The following NECTIN1 variants were observed in gnomAD, a reference collection of about 807,000 sequenced individuals.
NECTIN1 encodes the protein nectin-1.
A neutral mutation model predicts 48.0 loss-of-function variants in NECTIN1; 23 were observed. The ratio of observed to expected loss-of-function variants is 0.48; its 90% CI spans 0.34 to 0.68. The LOEUF is 0.68. Ranked by LOEUF, NECTIN1 falls within the 30% of genes least tolerant of loss-of-function variation. The pLI, the probability that NECTIN1 is intolerant of heterozygous loss-of-function variation, is 0.01. For missense variants in NECTIN1, 591 were observed against 709.9 expected, an observed-to-expected ratio of 0.83 and a Z score of 1.90; for synonymous variants, 270 against 288.9, an observed-to-expected ratio of 0.93 and a Z score of 0.66.
intron 1 of NECTIN1, among the ~76,000 whole-genome samples, chr11:119,685,583 G>A (rs1351452079): frequency 6.6e-6 from 1 of 152,230 alleles, no homozygotes; most frequent in Non-Finnish European, 1.5e-5. Context: ...CCAGGTGGCT[G>A]AGGACACCTG....
downstream of NECTIN1, among the ~76,000 whole-genome samples, chr11:119,657,457 T>C (rs1864592984): frequency 6.6e-6 from 1 of 151,716 alleles, no homozygotes; most frequent in Non-Finnish European, 1.5e-5. Flanking sequence ...TTACTAAAAA[T>C]ACAAAAAATT....
intron 1 of NECTIN1, among the ~76,000 whole-genome samples, chr11:119,686,857 T>A (rs1395736731): frequency 6.6e-6 from 1 of 152,076 alleles, no homozygotes; most frequent in Non-Finnish European, 1.5e-5. Context: ...TGTCCTAGCG[T>A]TTCTCATACG....
Position 119,663,612 on chromosome 11 carries a change from C to T in NECTIN1, c.*1135G>A, listed in dbSNP as rs187773817. ...TCTGCCATGTGGGCTTCCTTCCCCACTACCCTCCGTGTGGATGCTTCTTTA... is the reference window on the plus strand; with the variant it reads ...TCTGCCATGTGGGCTTCCTTCCCCATTACCCTCCGTGTGGATGCTTCTTTA... On this transcript the variant is annotated 3_prime_UTR_variant, in exon 6 of 6. Coordinates refer to ENST00000264025, the MANE Select transcript of NECTIN1 (RefSeq NM_002855.5). 3.9e-5 allele frequency: 38 copies of T among 985,702 alleles called. No homozygotes were observed. The Admixed American group carries it at 2.0e-3, about 53-fold the overall frequency. The allele number at this position is 985,702 out of a possible 1,614,324, so 61.1% of individuals were successfully genotyped here.
intron 1 of NECTIN1, among the ~76,000 whole-genome samples, chr11:119,689,366 C>T (rs1403711184): frequency 6.6e-6 from 1 of 152,164 alleles, no homozygotes; most frequent in Non-Finnish European, 1.5e-5. Flanking sequence ...GCATTCAGAC[C>T]CTACAGCATC....
intron 5 of NECTIN1, among the ~76,000 whole-genome samples, chr11:119,650,643 G>A (rs1326903099): frequency 6.6e-6 from 1 of 152,206 alleles, no homozygotes; most frequent in Non-Finnish European, 1.5e-5. Context: ...GGGTAGGGTT[G>A]CAGAGTGGTT....
intron 1 of NECTIN1, among the ~76,000 whole-genome samples, chr11:119,686,296 G>A (rs145401419): frequency 1.9e-3 from 284 of 152,116 alleles, no homozygotes; most frequent in Admixed American, 4.3e-3. Flanking sequence ...CAATATTCCC[G>A]GGCTGGGACT....
intron 5 of NECTIN1, among the ~76,000 whole-genome samples, chr11:119,643,660 G>A (rs969104499): frequency 2.0e-5 from 3 of 152,238 alleles, no homozygotes; most frequent in Admixed American, 6.5e-5. Flanking sequence ...AAGGGGCCTG[G>A]TGCTGGCCCC....
At position 119,661,393 on chromosome 11, in the gene NECTIN1, C is replaced by G. The variant is rs1290433876; in HGVS notation, c.*3354G>C. On this transcript the variant is annotated 3_prime_UTR_variant, in exon 6 of 6. Coordinates refer to ENST00000264025, the MANE Select transcript of NECTIN1 (RefSeq NM_002855.5). ...AGCAGAGGGGCCTGCCTCCTGGCAT[C>G]CCCGGTACTGGGCAGTGTGTGAAGC... 6 of 986,220 alleles carry G rather than the reference C, an allele frequency of 6.1e-6. No homozygotes were observed. In the South Asian group the frequency reaches 2.8e-4, roughly 46 times the overall value. The allele number at this position is 986,220 out of a possible 1,614,324, so 61.1% of individuals were successfully genotyped here.
At chr11:119,691,241 C>T (rs548604032) in intron 1 of NECTIN1, among the ~76,000 whole-genome samples, 37 of 152,322 alleles carry the variant, frequency 2.4e-4, no homozygotes, top group South Asian at 8.3e-4. Context: ...AACCACAGAA[C>T]GAAGCAAACT....
chr11:119,678,266 C>A lies in NECTIN1; in HGVS notation c.430+149G>T. The A allele has an allele frequency of 1.3e-6, 1 of 785,958 alleles. No homozygotes were observed. Among genetic ancestry groups the A allele is most frequent in the South Asian group, 1.5e-5 (1 of 68,964 alleles). The allele number at this position is 785,958 out of a possible 1,614,324, so 48.7% of individuals were successfully genotyped here. On this transcript the variant is annotated intron_variant, in intron 2 of 5. Transcript: ENST00000264025. The surrounding 1 kb of genome is among the most constrained non-coding windows in gnomAD (Gnocchi z 4.4). ...CCTAGTGAATTGTGGGGTGGCCTGG[C>A]TAGAAGGGACTGGAAGCCTCATGCC... is the stretch of plus-strand genomic sequence containing the variant.
rs116436948 is a variant in NECTIN1, at chr11:119,647,651, G to A, written c.1004-7639C>T. Among the ~76,000 whole-genome samples the A allele has an allele frequency of 5.2e-3, 792 of 152,180 alleles. 6 individuals are homozygous for A. The highest frequency in any genetic ancestry group is 0.018 in the African/African-American group (740 of 41,510). On this transcript the variant is annotated intron_variant, in intron 5 of 7. Coordinates refer to the NECTIN1 transcript ENST00000341398. ...ACAAAGATCTTCCTTAATGGAGGGG[G>A]TGGCGGGGGGAAGCACCAAATCTGC... is the stretch of plus-strand genomic sequence containing the variant.
chr11:119,647,160 CATGTGTGTGT>C (rs1372815425), intron 5 of NECTIN1, among the ~76,000 whole-genome samples: 12 of 71,358 alleles, frequency 1.7e-4, no homozygotes, highest in East Asian at 1.5e-3. Flanking sequence ...GCTTGCGGCG[CATGTGTGTGT>C]GTGTGTGTGT....
chr11:119,648,325 G>A (rs1015402623), intron 5 of NECTIN1, among the ~76,000 whole-genome samples: 205 of 18,096 alleles, frequency 0.011, 15 homozygotes, highest in East Asian at 0.014. Flanking sequence ...GATGGTGATG[G>A]TGGTGATGGT....
At chr11:119,644,461 C>T (rs1481948455) in intron 5 of NECTIN1, among the ~76,000 whole-genome samples, 8 of 152,164 alleles carry the variant, frequency 5.3e-5, no homozygotes, top group Admixed American at 2.0e-4. Context: ...GGGTGGGAAG[C>T]GAGCCCAGAC....
At position 119,678,349 on chromosome 11, in the gene NECTIN1, G is replaced by A. The variant is rs1006852053; in HGVS notation, c.430+66C>T. On this transcript the variant is annotated intron_variant, in intron 2 of 5. Transcript: ENST00000264025. This position sits in a 1 kb window ranked among gnomAD's most constrained non-coding sequence, Gnocchi z 4.4. ...ATGTCTGGGGTCATTGAGGCATCCT[G>A]AGGATGGCCACGCCCCGAGGTCACA... is the stretch of plus-strand genomic sequence containing the variant. The A allele has an allele frequency of 6.2e-6, 9 of 1,442,958 alleles. No homozygotes were observed. In the Admixed American group the frequency reaches 6.7e-5, roughly 11 times the overall value. The allele number at this position is 1,442,958 out of a possible 1,614,324, so 89.4% of individuals were successfully genotyped here.
At chr11:119,718,825 T>C (rs1865783817) in intron 1 of NECTIN1, among the ~76,000 whole-genome samples, 1 of 152,198 alleles carries the variant, frequency 6.6e-6, no homozygotes, top group Non-Finnish European at 1.5e-5. Context: ...ATACCAGTAA[T>C]ACAGGTTGAA....
intron 4 of NECTIN1, among the ~76,000 whole-genome samples, chr11:119,676,559 A>AGAAGGC (rs1864952188): frequency 1.3e-5 from 2 of 152,164 alleles, no homozygotes; most frequent in African/African-American, 4.8e-5. Context: ...GCTGGAGGGG[A>AGAAGGC]GAAGGCGAAG....
intron 1 of NECTIN1, among the ~76,000 whole-genome samples, chr11:119,723,939 G>C (rs1047406705): frequency 2.0e-5 from 3 of 152,116 alleles, no homozygotes; most frequent in African/African-American, 7.2e-5. Flanking sequence ...CTTGGGCACA[G>C]GGTGCTGGGC....
Position 119,678,396 on chromosome 11 carries a change from G to A in NECTIN1, c.430+19C>T. 3 of 1,608,670 alleles carry A rather than the reference G, an allele frequency of 1.9e-6. No homozygotes were observed. The highest frequency in any genetic ancestry group is 2.6e-6 in the Non-Finnish European group (3 of 1,175,160). ...CACAGGCCTCTGGATGAACAGGGAG[G>A]GGGCCCAGGGCAGCTTACCCATCAC... On this transcript the variant is annotated intron_variant, in intron 2 of 5. Coordinates refer to ENST00000264025, the MANE Select transcript of NECTIN1 (RefSeq NM_002855.5). This position sits in a 1 kb window ranked among gnomAD's most constrained non-coding sequence, Gnocchi z 4.4.
Sources: gnomAD v4.1 joint callset for allele counts (sites outside exome capture counted in the v4.1 genomes callset) on GRCh38, gnomAD v4.1.1 for gene constraint, Gnocchi (gnomAD v3.1) non-coding constraint, MANE v1.5 for transcripts, NCBI Gene and HGNC (gene_info 2026-07-23, HGNC 2026-07-21) for gene names.